The following ANGPT1 variants were observed in gnomAD, a reference collection of about 807,000 sequenced individuals.
The protein encoded by ANGPT1 is angiopoietin-1.
Under a neutral mutation model 62.2 loss-of-function variants are expected in ANGPT1, and 17 were observed. The ratio of observed to expected loss-of-function variants is 0.27; its 90% CI spans 0.19 to 0.41. The LOEUF is 0.41. Among genes scored for constraint, ANGPT1 ranks in the 10% least tolerant of loss-of-function variants. The pLI is 1.00. For synonymous variants in ANGPT1, 199 were observed against 198.9 expected (o/e 1.00, Z 0.00); for missense variants, 478 against 594.9 (o/e 0.80, Z 2.04).
Position 107,469,518 on chromosome 8 carries a change from G to A in ANGPT1, c.297+27744C>T, listed in dbSNP as rs1002995097. Among the ~76,000 whole-genome samples the A allele has an allele frequency of 5.3e-5, 8 of 151,954 alleles. No individual in the cohort carries two copies. In the South Asian group the frequency reaches 1.4e-3, roughly 28 times the overall value. ...GGAGAACAAATTGTTATGAACCACA[G>A]CCTTTATAAGCCATATGCACCAGCT... On this transcript the variant is annotated intron_variant, in intron 1 of 8. Transcript: ENST00000517746.
intron 5 of ANGPT1, among the ~76,000 whole-genome samples, chr8:107,299,479 C>CAT (rs35162551): frequency 1.5e-5 from 2 of 135,120 alleles, no homozygotes; most frequent in Admixed American, 7.6e-5. Context: ...ATATACTAAG[C>CAT]ATATATATAC....
At position 107,427,147 on chromosome 8, in the gene ANGPT1, C is replaced by T. The variant is rs567940156; in HGVS notation, c.297+70115G>A. On this transcript the variant is annotated intron_variant, in intron 1 of 8. Coordinates refer to ENST00000517746, the MANE Select transcript of ANGPT1 (RefSeq NM_001146.5). ...ATCACTTAGCCTGGGATATAGTGGG[C>T]TTGGTGAGTCCTGTTAACTGTACTC... 3.2e-4 allele frequency among the ~76,000 whole-genome samples: 48 copies of T among 152,266 alleles called. 1 individual carries two copies. The South Asian group carries it at 8.7e-3, about 28-fold the overall frequency.
At chr8:107,457,862 A>C (rs1586339168) in intron 1 of ANGPT1, among the ~76,000 whole-genome samples, 2 of 111,888 alleles carry the variant, frequency 1.8e-5, no homozygotes, top group South Asian at 2.5e-4. Flanking sequence ...ACACACACAC[A>C]CACACCAAGA....
At chr8:107,454,888 C>G (rs945904969) in intron 1 of ANGPT1, among the ~76,000 whole-genome samples, 1 of 152,062 alleles carries the variant, frequency 6.6e-6, no homozygotes, top group Non-Finnish European at 1.5e-5. Flanking sequence ...AATGGGAGAT[C>G]TGTCTAAGAG....
intron 1 of ANGPT1, chr8:107,494,962 A>G (rs1259016117): frequency 6.6e-6 from 1 of 152,160 alleles, no homozygotes; most frequent in Non-Finnish European, 1.5e-5. Flanking sequence ...GCTTCTTCCT[A>G]TGGCAACTAC....
intron 1 of ANGPT1, among the ~76,000 whole-genome samples, chr8:107,445,018 T>C (rs1811578482): frequency 1.3e-5 from 2 of 152,332 alleles, no homozygotes; most frequent in South Asian, 4.1e-4. Flanking sequence ...GAATGGTCAT[T>C]AGAATCCGCA....
At chr8:107,342,782 T>TAC (rs751210643) in intron 2 of ANGPT1, among the ~76,000 whole-genome samples, 5,235 of 138,494 alleles carry the variant, frequency 0.038, 117 homozygotes, top group East Asian at 0.1. Flanking sequence ...AACTGCCTAA[T>TAC]ACACACACAC....
At chr8:107,463,095 T>A (rs375919872) in intron 1 of ANGPT1, among the ~76,000 whole-genome samples, 138 of 152,274 alleles carry the variant, frequency 9.1e-4, no homozygotes, top group African/African-American at 3.2e-3. Flanking sequence ...TTATATGACA[T>A]GGTTTCAAAA....
intron 1 of ANGPT1, among the ~76,000 whole-genome samples, chr8:107,451,909 A>G (rs1027567445): frequency 1.3e-5 from 2 of 151,924 alleles, no homozygotes; most frequent in African/African-American, 4.8e-5. Context: ...TTAAAGGACT[A>G]TTAATGTGTT....
intron 1 of ANGPT1, among the ~76,000 whole-genome samples, chr8:107,398,539 T>A (rs539058512): frequency 3.7e-4 from 55 of 148,162 alleles, no homozygotes; most frequent in African/African-American, 1.3e-3. Flanking sequence ...AAACACTCTG[T>A]GAATCAAATA....
chr8:107,442,672 T>C (rs1235529360), intron 1 of ANGPT1, among the ~76,000 whole-genome samples: 1 of 152,214 alleles, frequency 6.6e-6, no homozygotes, highest in Non-Finnish European at 1.5e-5. Flanking sequence ...TAAATTATCC[T>C]ATTCCCTCAA....
intron 1 of ANGPT1, among the ~76,000 whole-genome samples, chr8:107,484,849 T>C (rs2130528873): frequency 6.6e-6 from 1 of 152,334 alleles, no homozygotes; most frequent in Middle Eastern, 3.4e-3. Context: ...ATCATGTATC[T>C]CATGTAATGC....
intron 1 of ANGPT1, among the ~76,000 whole-genome samples, chr8:107,487,273 A>G (rs911373206): frequency 6.6e-6 from 1 of 152,176 alleles, no homozygotes; most frequent in African/African-American, 2.4e-5. Flanking sequence ...AATAAAAAGG[A>G]GAGACAGGCC....
At chr8:107,325,169 T>C (rs1371608398) in intron 3 of ANGPT1, among the ~76,000 whole-genome samples, 1 of 152,200 alleles carries the variant, frequency 6.6e-6, no homozygotes, top group African/African-American at 2.4e-5. Flanking sequence ...ACTATCTTTA[T>C]TGGTTAAAAG....
intron 4 of ANGPT1, among the ~76,000 whole-genome samples, chr8:107,313,313 A>C (rs1814922255): frequency 6.6e-6 from 1 of 151,790 alleles, no homozygotes; most frequent in Non-Finnish European, 1.5e-5. Context: ...GAATGTGAAC[A>C]CCCAAACTAG....
chr8:107,342,287 G>A (rs1479812437), intron 2 of ANGPT1, among the ~76,000 whole-genome samples: 1 of 152,176 alleles, frequency 6.6e-6, no homozygotes, highest in Non-Finnish European at 1.5e-5. Flanking sequence ...CTTAGTCAAT[G>A]TAATTATTTC....
At chr8:107,439,559 A>C in intron 1 of ANGPT1, among the ~76,000 whole-genome samples, 1 of 152,326 alleles carries the variant, frequency 6.6e-6, no homozygotes, top group South Asian at 2.1e-4. Context: ...GAAATAAGGA[A>C]GAAAGGAAAA....
chr8:107,322,274 T>C, intron 3 of ANGPT1, 146 bp from the exon 4 acceptor site: 1 of 641,604 alleles, frequency 1.6e-6, no homozygotes, highest in South Asian at 2.0e-5. Context: ...CTTAAGAATA[T>C]GTATTCTTCA....
chr8:107,280,326 G>A (rs994628442), intron 7 of ANGPT1, among the ~76,000 whole-genome samples: 1 of 151,724 alleles, frequency 6.6e-6, no homozygotes, highest in Non-Finnish European at 1.5e-5. Context: ...TCAGCGTCCC[G>A]AGCAGCTGGG....
Sources: gnomAD v4.1 joint callset for allele counts (sites outside exome capture counted in the v4.1 genomes callset) on GRCh38, gnomAD v4.1.1 for gene constraint, MANE v1.5 for transcripts, NCBI Gene and HGNC (gene_info 2026-07-23, HGNC 2026-07-21) for gene names.